PPP4R2: variants seen among roughly 807,000 people sequenced by gnomAD.
PPP4R2 encodes protein phosphatase 4 regulatory subunit 2.
A neutral mutation model predicts 47.2 loss-of-function variants in PPP4R2; 13 were observed. The observed-to-expected ratio is 0.28, with a 90% CI of 0.18 to 0.44. PPP4R2 has a LOEUF of 0.44. PPP4R2 is among the 20% of genes least tolerant of loss of function. The pLI, the probability that PPP4R2 is intolerant of heterozygous loss-of-function variation, is 1.00. For synonymous variants in PPP4R2, 151 were observed against 163.3 expected (o/e 0.92, Z 0.57); for missense variants, 421 against 491.2 (o/e 0.86, Z 1.35).
At position 73,065,118 on chromosome 3, in the gene PPP4R2, A is replaced by G; in HGVS notation, c.905A>G (p.Glu302Gly). The G allele has an allele frequency of 6.2e-7, 1 of 1,610,040 alleles. No homozygotes were observed. The highest frequency in any genetic ancestry group is 8.5e-7 in the Non-Finnish European group (1 of 1,178,286). ...TRQHCTEEDEEEDEEEEEESF... is the reference protein window; with the variant it reads ...TRQHCTEEDEGEDEEEEEESF... ...CAGCACTGTACAGAAGAGGATGAAG[A>G]AGAGGATGAAGAGGAAGAAGAAGGT... Residue 302 changes from glutamate to glycine, a missense_variant, in exon 8 of 9, where the codon GAA becomes GGA. Around this residue, in one of 2 missense-constraint regions of PPP4R2, gnomAD observed 317 missense variants for 287.5 expected, o/e 1.10. Transcript: ENST00000356692.
intron 3 of PPP4R2, among the ~76,000 whole-genome samples, chr3:73,056,740 A>G (rs1360132879): frequency 6.6e-6 from 1 of 152,218 alleles, no homozygotes; most frequent in South Asian, 2.1e-4. Flanking sequence ...TAAACAACAC[A>G]TAAAATATTA....
chr3:73,028,650 A>G (rs1288274216), intron 2 of PPP4R2, among the ~76,000 whole-genome samples: 2 of 152,066 alleles, frequency 1.3e-5, no homozygotes, highest in South Asian at 2.1e-4. Flanking sequence ...CATGTTGACC[A>G]GGATGGTTTG....
chr3:73,044,947 A>T (rs1283342493), intron 2 of PPP4R2, among the ~76,000 whole-genome samples: 1 of 152,162 alleles, frequency 6.6e-6, no homozygotes, highest in Non-Finnish European at 1.5e-5. Flanking sequence ...AAAATTTTAA[A>T]TTTTGATGTA....
chr3:73,029,702 G>C (rs905180257), intron 2 of PPP4R2, among the ~76,000 whole-genome samples: 8 of 152,162 alleles, frequency 5.3e-5, no homozygotes, highest in African/African-American at 1.9e-4. Context: ...TTGGCATGCA[G>C]ATAGTATTAA....
At chr3:73,057,327 A>G in intron 3 of PPP4R2, among the ~76,000 whole-genome samples, 1 of 152,122 alleles carries the variant, frequency 6.6e-6, no homozygotes, top group East Asian at 1.9e-4. Context: ...TTTCATACTT[A>G]GTAACGCTGT....
chr3:73,045,633 C>T (rs1180118921), intron 2 of PPP4R2, among the ~76,000 whole-genome samples: 1 of 149,986 alleles, frequency 6.7e-6, no homozygotes, highest in Non-Finnish European at 1.5e-5. Flanking sequence ...TCAAGTGATT[C>T]TCCTTGCCTC....
intron 2 of PPP4R2, among the ~76,000 whole-genome samples, chr3:73,029,472 C>T (rs1702128899): frequency 6.6e-6 from 1 of 151,966 alleles, no homozygotes; most frequent in African/African-American, 2.4e-5. Flanking sequence ...GATTTCCAGG[C>T]AAGATAGAGT....
chr3:73,026,565 A>T (rs532872487), intron 2 of PPP4R2, among the ~76,000 whole-genome samples: 1 of 152,296 alleles, frequency 6.6e-6, no homozygotes, highest in African/African-American at 2.4e-5. Flanking sequence ...TAGCTTAGGG[A>T]TGCATATTTG....
At chr3:73,064,209 G>T (rs766321841) in intron 7 of PPP4R2, 63 bp downstream of exon 7, 3 of 1,363,456 alleles carry the variant, frequency 2.2e-6, no homozygotes, top group Non-Finnish European at 3.0e-6. Context: ...CATTTAATCA[G>T]TACTTATCAC....
chr3:73,043,738 G>T (rs1354329779), intron 2 of PPP4R2, among the ~76,000 whole-genome samples: 1 of 152,050 alleles, frequency 6.6e-6, no homozygotes, highest in African/African-American at 2.4e-5. Context: ...CTTCTTTGTG[G>T]GGAAATACCT....
At chr3:73,060,915 G>T in intron 4 of PPP4R2, 108 bp from the exon 5 acceptor site, 1 of 648,606 alleles carries the variant, frequency 1.5e-6, no homozygotes, top group South Asian at 2.6e-5. Flanking sequence ...AGCAAAATTA[G>T]AATCAATGGG....
intron 2 of PPP4R2, among the ~76,000 whole-genome samples, chr3:73,026,270 TC>T (rs1702061152): frequency 6.6e-6 from 1 of 152,200 alleles, no homozygotes; most frequent in Non-Finnish European, 1.5e-5. Context: ...TACTGCCTCG[TC>T]CCAGTGACTT....
intron 2 of PPP4R2, among the ~76,000 whole-genome samples, chr3:73,006,354 A>G (rs945997799): frequency 1.1e-4 from 16 of 151,814 alleles, no homozygotes; most frequent in Non-Finnish European, 2.1e-4. Context: ...GCGCGCCACC[A>G]TGCCTGGCTA....
chr3:73,017,116 G>A, intron 2 of PPP4R2, among the ~76,000 whole-genome samples: 1 of 151,942 alleles, frequency 6.6e-6, no homozygotes. Flanking sequence ...AATGGGATAT[G>A]GCCTATGTTG....
intron 2 of PPP4R2, among the ~76,000 whole-genome samples, chr3:73,017,060 C>T (rs527865099): frequency 6.6e-6 from 1 of 151,944 alleles, no homozygotes; most frequent in Admixed American, 6.6e-5. Context: ...CTCCTGAGCT[C>T]AAGTGATCTG....
intron 2 of PPP4R2, among the ~76,000 whole-genome samples, chr3:73,045,566 C>G (rs1027418694): frequency 1.0e-4 from 15 of 146,558 alleles, no homozygotes; most frequent in African/African-American, 3.3e-4. Context: ...TGCTCATCGC[C>G]CGGGCTGGCG....
At chr3:73,036,027 G>GCA (rs989519892) in intron 2 of PPP4R2, among the ~76,000 whole-genome samples, 2 of 152,112 alleles carry the variant, frequency 1.3e-5, no homozygotes, top group Non-Finnish European at 1.5e-5. Flanking sequence ...GTATATATAC[G>GCA]CACACACACA....
In PPP4R2 at chr3:73,004,182, CTT is replaced by C. The variant is rs71623998; in HGVS notation, c.116+6036_116+6037del. Among the ~76,000 whole-genome samples the C allele has an allele frequency of 1.1e-3, 157 of 143,252 alleles. 1 individual carries two copies. Among genetic ancestry groups the C allele is most frequent in the East Asian group, 2.7e-3 (13 of 4,874 alleles). 94.0% of individuals were successfully genotyped at this position (143,252 alleles called of 152,430 possible). On this transcript the variant is annotated intron_variant, in intron 2 of 8. Coordinates refer to ENST00000356692, the MANE Select transcript of PPP4R2 (RefSeq NM_174907.4). ...TTGTATGTTGTCTGTGCCTTTTATT[CTT>C]TTTTTTTTTTTGCCCCCCTTTTTAT...
At chr3:73,004,863 GTGTGTGTTTGTTTGTTTGTT>G (rs1701563922) in intron 2 of PPP4R2, among the ~76,000 whole-genome samples, 3 of 51,368 alleles carry the variant, frequency 5.8e-5, no homozygotes, top group African/African-American at 2.4e-4. Context: ...GTGTGTGTGT[GTGTGTGTTTGTTTGTTTGTT>G]TGTGTGTGTG....
Sources: allele counts gnomAD v4.1 joint callset (sites outside exome capture counted in the v4.1 genomes callset), GRCh38; gene constraint gnomAD v4.1.1; regional missense constraint gnomAD v4.1.1; transcripts MANE v1.5; gene names NCBI Gene and HGNC (gene_info 2026-07-23, HGNC 2026-07-21).